MUC6: variants seen among roughly 807,000 people sequenced by gnomAD.
The protein encoded by MUC6 is mucin-6.
In MUC6, 188 loss-of-function variants were observed where a neutral mutation model predicts 201.5. The ratio of observed to expected loss-of-function variants is 0.93; its 90% CI spans 0.83 to 1.05. MUC6 has a LOEUF of 1.05. MUC6 is among the 50% of genes least tolerant of loss of function. MUC6 has a pLI of 0.00. For synonymous variants in MUC6, 1,228 were observed against 1,389.4 expected (o/e 0.88, Z 2.58); for missense variants, 2,706 against 3,256.9 (o/e 0.83, Z 4.12).
chr11:1,022,150 C>T (rs1473158619), intron 26 of MUC6, among the ~76,000 whole-genome samples: 3 of 147,262 alleles, frequency 2.0e-5, no homozygotes, highest in East Asian at 2.1e-4. Context: ...CTGCAGCCCA[C>T]GCCCCTCACT....
At position 1,027,715 on chromosome 11, in the gene MUC6, AG is replaced by A. The variant is rs749989071; in HGVS notation, c.1950del (p.Trp651GlyfsTer59). 2 of 1,605,382 alleles carry A rather than the reference AG, an allele frequency of 1.2e-6. No individual in the cohort carries two copies. The highest frequency in any genetic ancestry group is 1.7e-6 in the Non-Finnish European group (2 of 1,176,644). On this transcript the variant is annotated frameshift_variant, in exon 16 of 33. Transcript: ENST00000421673. LOFTEE classifies it high-confidence loss of function. ...VHACSLRGVL[L>X]WGWRSSVDNC... ...TTGTCCACACTGCTTCTCCAGCCCC[AG>A]AGCAGGACGCCCCGCAAGGAGCAGG...
At chr11:1,015,261 C>G (rs988252200) in intron 31 of MUC6, among the ~76,000 whole-genome samples, 1 of 152,194 alleles carries the variant, frequency 6.6e-6, no homozygotes, top group Admixed American at 6.5e-5. Flanking sequence ...CACGAAGGAG[C>G]AGGTGCCCTG....
At chr11:1,014,568 T>C (rs1489846843) in intron 31 of MUC6, among the ~76,000 whole-genome samples, 1 of 151,988 alleles carries the variant, frequency 6.6e-6, no homozygotes, top group Non-Finnish European at 1.5e-5. Context: ...GAGGCCTGGG[T>C]ACGTGGCAGG....
chr11:1,032,136 G>A (rs1330505378), intron 2 of MUC6, 83 bp from the exon 3 acceptor site: 18 of 1,535,638 alleles, frequency 1.2e-5, no homozygotes, highest in Admixed American at 9.5e-5. Context: ...GAGGTCACTC[G>A]TCTCCCTGGG....
In MUC6 at chr11:1,013,445, C is replaced by T; in HGVS notation, c.*11G>A. ...AGTCCTTCAGCCCCAGGAGAGCAGG[C>T]AGCGACCCTGCTAGTCTCCACAGGC... On this transcript the variant is annotated 3_prime_UTR_variant, in exon 33 of 33. Transcript: ENST00000421673. The T allele has an allele frequency of 6.4e-7, 1 of 1,566,744 alleles. No individual in the cohort carries two copies. The highest frequency in any genetic ancestry group is 8.6e-7 in the Non-Finnish European group (1 of 1,156,664).
At chr11:1,031,480 C>A in intron 4 of MUC6, 127 bp downstream of exon 4, 1 of 1,439,926 alleles carries the variant, frequency 6.9e-7, no homozygotes, top group Non-Finnish European at 9.3e-7. Context: ...CTGCTTGGCA[C>A]GAAGGGCCTG....
At chr11:1,030,858 C>A in intron 6 of MUC6, 78 bp from the exon 7 acceptor site, 1 of 1,529,060 alleles carries the variant, frequency 6.5e-7, no homozygotes, top group Non-Finnish European at 8.8e-7. Context: ...GGCAGGGCGT[C>A]TGTGATGCGG....
At chr11:1,030,506 G>T in intron 7 of MUC6, 67 bp downstream of exon 7, 6 of 1,454,616 alleles carry the variant, frequency 4.1e-6, no homozygotes, top group Non-Finnish European at 5.5e-6. Context: ...GGCAGTCCAG[G>T]GGCTGGGAGA....
chr11:1,033,687 C>A lies in MUC6; in HGVS notation c.53-612G>T, dbSNP rs1417185987. ...GACTCCAGGGCAGGGCAGCGGGGGA[C>A]GTCCCACCCTGACTCCCAGAGGCTG... On this transcript the variant is annotated intron_variant, in intron 1 of 32. Coordinates refer to ENST00000421673, the MANE Select transcript of MUC6 (RefSeq NM_005961.3). This position sits in a 1 kb window ranked among gnomAD's most constrained non-coding sequence, Gnocchi z 5.6. Among the ~76,000 whole-genome samples, 2 of 152,026 alleles carry A rather than the reference C, an allele frequency of 1.3e-5. No individual in the cohort carries two copies. The highest frequency in any genetic ancestry group is 2.4e-5 in the African/African-American group (1 of 41,390).
chr11:1,036,608 G>T lies in MUC6; in HGVS notation c.48C>A (p.Ser16Arg), dbSNP rs746061608. 2.3e-5 allele frequency: 35 copies of T among 1,548,678 alleles called. No individual in the cohort carries two copies. The highest frequency in any genetic ancestry group is 2.8e-5 in the Non-Finnish European group (32 of 1,146,452). The change falls in exon 1 of 33, where the codon AGC becomes AGA. Residue 16 changes from serine (S) to arginine (R), a missense_variant. Around this residue, in one of 10 missense-constraint regions of MUC6, gnomAD observed 1,850 missense variants for 1,958.3 expected, o/e 0.94. Transcript: ENST00000421673. ...GCGCCCCTCGACCTCACTCACCAGC[G>T]CTGAGCAGGGCTCCGCAGCAGGACA... ...LLLSCCGALL[S>R]AGLANTSYTS...
chr11:1,026,508 GA>G (rs1445834196), intron 19 of MUC6, 30 bp from the exon 20 acceptor site: 1 of 1,543,422 alleles, frequency 6.5e-7, no homozygotes, highest in African/African-American at 1.4e-5. Flanking sequence ...CAGCTCCTGG[GA>G]GGGTGGCCTC....
rs768874045 is a variant in MUC6, at chr11:1,018,796, C to G, written c.4031-26G>C. The G allele has an allele frequency of 5.9e-6, 9 of 1,536,468 alleles. No individual in the cohort carries two copies. In the African/African-American group the frequency reaches 8.4e-5, roughly 14 times the overall value. On this transcript the variant is annotated intron_variant, in intron 30 of 32. Coordinates refer to ENST00000421673, the MANE Select transcript of MUC6 (RefSeq NM_005961.3). ...CTGTGGGAATTGGTGAAGTTGTCAT[C>G]GTTATTGTTTTTGTTTCTCTACCCT...
In MUC6 at chr11:1,024,111, G is replaced by T; in HGVS notation, c.3226-8C>A. ...GTAGGGCAGGTGGTATACCTGCAGG[G>T]GTGTGTGCCAGTCAGTGTCTGGCTG... On this transcript the variant is annotated splice_polypyrimidine_tract_variant and splice_region_variant and intron_variant, in intron 24 of 32. Coordinates refer to ENST00000421673, the MANE Select transcript of MUC6 (RefSeq NM_005961.3). The T allele has an allele frequency of 6.2e-7, 1 of 1,610,824 alleles. No homozygotes were observed. Among genetic ancestry groups the T allele is most frequent in the East Asian group, 2.2e-5 (1 of 44,850 alleles).
Position 1,028,759 on chromosome 11 carries a change from G to A in MUC6, c.1478C>T (p.Thr493Met), listed in dbSNP as rs1484763482. Residue 493 changes from threonine to methionine, a missense_variant, in exon 13 of 33, where the codon ACG (threonine) becomes ATG (methionine). This residue lies in a region of MUC6 where 1,850 missense variants were observed against 1,958.3 expected (regional missense o/e 0.94). Transcript: ENST00000421673. ...GGTGGCCATCTGGAGGTGGGTGGAC[G>A]TCTGCCTGAAGACCGTGATGTTGCC... is the stretch of plus-strand genomic sequence containing the variant. ...KTRNITVFRQ[T>M]STHLQMATSF... The A allele has an allele frequency of 2.5e-6, 4 of 1,611,864 alleles. No individual in the cohort carries two copies. The highest frequency in any genetic ancestry group is 2.2e-5 in the East Asian group (1 of 44,884).
At chr11:1,031,496 A>G (rs1857103847) in intron 4 of MUC6, 111 bp downstream of exon 4, 7 of 1,472,504 alleles carry the variant, frequency 4.8e-6, no homozygotes, top group African/African-American at 1.4e-5. Flanking sequence ...GCCTGGCTGC[A>G]TGGCAGCCTG....
At position 1,013,898 on chromosome 11, in the gene MUC6, C is replaced by G; in HGVS notation, c.7142+1G>C. On this transcript the variant is annotated splice_donor_variant, in intron 32 of 32. Transcript: ENST00000421673. LOFTEE classifies it high-confidence loss of function. Reference sequence around the variant, plus strand: ...GGCAGGCCTCCCACCTGTGGACTCACCTGGCAGCGGAAATGCAGGCGCCCT... The same window carrying G: ...GGCAGGCCTCCCACCTGTGGACTCAGCTGGCAGCGGAAATGCAGGCGCCCT... 2 of 1,602,240 alleles carry G rather than the reference C, an allele frequency of 1.2e-6. No homozygotes were observed. Among genetic ancestry groups the G allele is most frequent in the Non-Finnish European group, 1.7e-6 (2 of 1,175,448 alleles).
chr11:1,031,144 GC>G lies in MUC6; in HGVS notation c.574+24del, dbSNP rs1204426079. 8 of 1,264,772 alleles carry G rather than the reference GC, an allele frequency of 6.3e-6. No individual in the cohort carries two copies. In the East Asian group the frequency reaches 8.1e-5, roughly 13 times the overall value. 78.3% of individuals were successfully genotyped at this position (1,264,772 alleles called of 1,614,324 possible). On this transcript the variant is annotated intron_variant, in intron 5 of 32. Transcript: ENST00000421673. The stretch of plus-strand genomic sequence containing the variant: ...CCCCCACCTAGAGGCCCCCCCAGAG[GC>G]CCCCCAGCCCTGCCCCCACCTACCC...
At position 1,015,833 on chromosome 11, in the gene MUC6, AG is replaced by A; in HGVS notation, c.6967del (p.Leu2323SerfsTer45). ...SPTTRFLTSSLTAHGSTPASA... is the reference protein window; with the variant it reads ...SPTTRFLTSSXTAHGSTPASA... The stretch of plus-strand genomic sequence containing the variant: ...AGCAGGGGTGCTTCCATGGGCAGTG[AG>A]GGAGCTGGTCAGGAACCGTGTGGTA... On this transcript the variant is annotated frameshift_variant, in exon 31 of 33. Transcript: ENST00000421673. LOFTEE classifies it high-confidence loss of function. 6.3e-7 allele frequency: 1 copy of A among 1,587,300 alleles called. No homozygotes were observed. The highest frequency in any genetic ancestry group is 8.6e-7 in the Non-Finnish European group (1 of 1,164,566).
chr11:1,023,402 G>C, intron 26 of MUC6, 107 bp downstream of exon 26: 11 of 1,338,504 alleles, frequency 8.2e-6, no homozygotes, highest in Non-Finnish European at 1.0e-5. Context: ...GAATTAATGA[G>C]CATGAATGAA....
Sources: allele counts gnomAD v4.1 joint callset (sites outside exome capture counted in the v4.1 genomes callset), GRCh38; gene constraint gnomAD v4.1.1; regional missense constraint gnomAD v4.1.1; non-coding constraint Gnocchi (gnomAD v3.1); transcripts MANE v1.5; gene names NCBI Gene and HGNC (gene_info 2026-07-23, HGNC 2026-07-21).